The following USP49 variants were observed in gnomAD, a reference collection of about 807,000 sequenced individuals.
USP49 encodes ubiquitin specific peptidase 49, also known as ubiquitin carboxyl-terminal hydrolase 49.
Under a neutral mutation model 58.6 loss-of-function variants are expected in USP49, and 24 were observed. The observed-to-expected ratio is 0.41, with a 90% CI of 0.30 to 0.58. The LOEUF (loss-of-function observed/expected upper bound fraction) is 0.58, where lower values mean the gene tolerates loss of function less well. USP49 is among the 20% of genes least tolerant of loss of function. USP49 has a pLI of 0.30. For missense variants in USP49, 703 were observed against 866.1 expected (o/e 0.81, Z 2.36); for synonymous variants, 408 against 365.1 (o/e 1.12, Z -1.34).
rs1452245656 is a variant in USP49, at chr6:41,791,584, T to C, written c.*4949A>G. 6.6e-6 allele frequency: 1 copy of C among 152,254 alleles called. No homozygotes were observed. Among genetic ancestry groups the C allele is most frequent in the African/African-American group, 2.4e-5 (1 of 41,466 alleles). The allele number at this position is 152,254 out of a possible 1,614,324, so 9.4% of individuals were successfully genotyped here. On this transcript the variant is annotated 3_prime_UTR_variant, in exon 8 of 8. Transcript: ENST00000682992. The stretch of plus-strand genomic sequence containing the variant: ...TTCCCCAAGGAAAGTCAATTTGATA[T>C]CCTGTCACACTTTTCAGCCCTGGCT...
At chr6:41,802,470 T>TTATTTA (rs1443262365) in intron 5 of USP49, among the ~76,000 whole-genome samples, 15 of 85,636 alleles carry the variant, frequency 1.8e-4, no homozygotes, top group African/African-American at 6.1e-4. Context: ...ATTTATTTAT[T>TTATTTA]TTTTATTTAT....
chr6:41,807,706 T>C (rs1433827208), intron 3 of USP49, among the ~76,000 whole-genome samples: 3 of 151,726 alleles, frequency 2.0e-5, no homozygotes, highest in Admixed American at 2.0e-4. Context: ...CATTCCAAAG[T>C]GCTGGGAATA....
In USP49 at chr6:41,803,407, G is replaced by A. The variant is rs967250922; in HGVS notation, c.1561+399C>T. 6.6e-6 allele frequency among the ~76,000 whole-genome samples: 1 copy of A among 152,180 alleles called. No homozygotes were observed. Among genetic ancestry groups the A allele is most frequent in the East Asian group, 1.9e-4 (1 of 5,190 alleles). On this transcript the variant is annotated intron_variant, in intron 5 of 7. Coordinates refer to ENST00000682992, the MANE Select transcript of USP49 (RefSeq NM_001286554.2). The surrounding 1 kb of genome is among the most constrained non-coding windows in gnomAD (Gnocchi z 4.1). ...CACCCTCCGCTTCCTGGGTTCAACCGATTCTCCTGCCTCAGCCTCCCGAGT... is the reference window on the plus strand; with the variant it reads ...CACCCTCCGCTTCCTGGGTTCAACCAATTCTCCTGCCTCAGCCTCCCGAGT...
At chr6:41,884,348 G>C (rs1774671209) in intron 2 of USP49, among the ~76,000 whole-genome samples, 1 of 152,106 alleles carries the variant, frequency 6.6e-6, no homozygotes, top group Non-Finnish European at 1.5e-5. Context: ...AAAACATAGT[G>C]CTCACTGAAA....
rs190201626 is a variant in USP49, at chr6:41,866,586, C to T, written c.-29+4978G>A. On this transcript the variant is annotated intron_variant, in intron 3 of 7. Transcript: ENST00000682992. ...GAGACATCATGACTTTCAACCCACACTGGGATCATTACAATGTTCTGAGAT... is the reference window on the plus strand; with the variant it reads ...GAGACATCATGACTTTCAACCCACATTGGGATCATTACAATGTTCTGAGAT... 8.6e-4 allele frequency among the ~76,000 whole-genome samples: 131 copies of T among 152,296 alleles called. No individual in the cohort carries two copies. In the Middle Eastern group the frequency reaches 0.01, roughly 12 times the overall value.
chr6:41,850,465 AT>A (rs1192670867), intron 3 of USP49, among the ~76,000 whole-genome samples: 43 of 146,264 alleles, frequency 2.9e-4, no homozygotes, highest in Middle Eastern at 3.4e-3. Context: ...AAAAAAAAAA[AT>A]AAATAAATAA....
chr6:41,853,577 T>C (rs765052882), intron 3 of USP49, among the ~76,000 whole-genome samples: 24 of 152,186 alleles, frequency 1.6e-4, no homozygotes, highest in Non-Finnish European at 2.6e-4. Flanking sequence ...ACTAAAACAT[T>C]TGTCCAATGT....
intron 3 of USP49, among the ~76,000 whole-genome samples, chr6:41,860,928 G>A (rs1024167895): frequency 3.3e-5 from 5 of 151,590 alleles, no homozygotes; most frequent in East Asian, 2.0e-4. Flanking sequence ...TCAGGAGTTC[G>A]AGACCAGCCT....
chr6:41,892,241 A>G (rs898977407), intron 1 of USP49, among the ~76,000 whole-genome samples: 10 of 152,172 alleles, frequency 6.6e-5, no homozygotes, highest in African/African-American at 2.4e-4. Flanking sequence ...CCAATATCAA[A>G]TAAGTCTATA....
intron 3 of USP49, among the ~76,000 whole-genome samples, chr6:41,841,738 A>G (rs1192932931): frequency 6.6e-6 from 1 of 152,154 alleles, no homozygotes; most frequent in Non-Finnish European, 1.5e-5. Flanking sequence ...ACATGATACA[A>G]CAACAACGCA....
intron 3 of USP49, among the ~76,000 whole-genome samples, chr6:41,842,107 C>G (rs1773838155): frequency 6.6e-6 from 1 of 151,540 alleles, no homozygotes; most frequent in South Asian, 2.1e-4. Context: ...TTCCTTCCAG[C>G]TGATGAAATT....
rs1773061695 is a variant in USP49 at position 41,803,837 on chromosome 6, T to G, written c.1530A>C (p.Glu510Asp). 6.8e-6 allele frequency: 11 copies of G among 1,614,194 alleles called. No individual in the cohort carries two copies. The highest frequency in any genetic ancestry group is 9.3e-6 in the Non-Finnish European group (11 of 1,180,026). The part of the protein sequence containing the change: ...LAKFTETEAL[E>D]GRIYACDQCN... ...ACTGGTCACAAGCGTAGATTCTCCC[T>G]TCCAGGGCCTCTGTCTCTGTGAATT... Residue 510 changes from glutamate to aspartate, a missense_variant, in exon 5 of 8, where the codon GAA (glutamate) becomes GAC (aspartate). Around this residue, in one of 6 missense-constraint regions of USP49, gnomAD observed 158 missense variants for 241.2 expected, o/e 0.66. Coordinates refer to ENST00000682992, the MANE Select transcript of USP49 (RefSeq NM_001286554.2). This position sits in a 1 kb window ranked among gnomAD's most constrained non-coding sequence, Gnocchi z 4.1.
chr6:41,820,574 G>GA (rs140896187), intron 3 of USP49, among the ~76,000 whole-genome samples: 8,158 of 147,674 alleles, frequency 0.055, 451 homozygotes, highest in African/African-American at 0.15. Flanking sequence ...AGTACTCCAG[G>GA]AAAAAAAAAA....
At chr6:41,854,178 G>A (rs1476946636) in intron 3 of USP49, among the ~76,000 whole-genome samples, 2 of 150,798 alleles carry the variant, frequency 1.3e-5, no homozygotes, top group East Asian at 2.0e-4. Flanking sequence ...ATACCTGGGT[G>A]TGGTGGTGTG....
chr6:41,798,918 C>T lies in USP49; in HGVS notation c.1682G>A (p.Arg561His), dbSNP rs761753890. 27 of 1,612,240 alleles carry T rather than the reference C, an allele frequency of 1.7e-5. No individual in the cohort carries two copies. Among genetic ancestry groups the T allele is most frequent in the African/African-American group, 2.7e-5 (2 of 74,494 alleles). ...GACCCCAATCTTCTCTCGATGATTA[C>T]GGCCAGACCACCTAGAACATGGATA... The part of the protein sequence containing the change: ...LHLKRFRWSG[R>H]NHREKIGVHV... The change falls in exon 7 of 8, where the codon CGT becomes CAT. Residue 561 changes from arginine (R) to histidine (H), a missense_variant. Physicochemically the swap from Arg to His is conservative, Grantham distance 29. Around this residue, in one of 6 missense-constraint regions of USP49, gnomAD observed 158 missense variants for 241.2 expected, o/e 0.66. Transcript: ENST00000682992.
chr6:41,835,993 A>C (rs1467407714), intron 3 of USP49, among the ~76,000 whole-genome samples: 1 of 152,076 alleles, frequency 6.6e-6, no homozygotes, highest in Admixed American at 6.6e-5. Flanking sequence ...TGAGAGGAGC[A>C]CTTGAGCCCA....
At chr6:41,887,402 TG>T (rs1358604012) in intron 2 of USP49, 5 of 152,234 alleles carry the variant, frequency 3.3e-5, no homozygotes, top group African/African-American at 1.2e-4. Context: ...ACCAGCTTCC[TG>T]GGCTCTAAAC....
intron 3 of USP49, among the ~76,000 whole-genome samples, chr6:41,824,075 T>C (rs1324391870): frequency 6.6e-6 from 1 of 152,156 alleles, no homozygotes; most frequent in African/African-American, 2.4e-5. Flanking sequence ...TTAAACCTAA[T>C]CAAAATACTG....
intron 3 of USP49, among the ~76,000 whole-genome samples, chr6:41,820,983 G>A (rs1398124441): frequency 6.6e-6 from 1 of 152,048 alleles, no homozygotes. Context: ...GCCTGGGCAA[G>A]AGAGCAAGAC....
Sources: gnomAD v4.1 joint callset for allele counts (sites outside exome capture counted in the v4.1 genomes callset) on GRCh38, gnomAD v4.1.1 for gene constraint, gnomAD v4.1.1 regional missense constraint, Gnocchi (gnomAD v3.1) non-coding constraint, MANE v1.5 for transcripts, NCBI Gene and HGNC (gene_info 2026-07-23, HGNC 2026-07-21) for gene names.